The following CDC42BPA variants were observed in gnomAD, a reference collection of about 807,000 sequenced individuals.
The protein encoded by CDC42BPA is CDC42 binding protein kinase alpha, also known as serine/threonine-protein kinase MRCK alpha.
CDC42BPA carries 80 observed loss-of-function variants against 223.5 expected under a neutral mutation model. The observed-to-expected ratio is 0.36, with a 90% CI of 0.30 to 0.43. CDC42BPA has a LOEUF of 0.43. Among genes scored for constraint, CDC42BPA ranks in the 20% least tolerant of loss-of-function variants. The pLI is 1.00. For missense variants in CDC42BPA, 1,743 were observed against 2,099.9 expected, an observed-to-expected ratio of 0.83 and a Z score of 3.32; for synonymous variants, 694 against 718.6, an observed-to-expected ratio of 0.97 and a Z score of 0.55.
chr1:227,265,050 C>G, intron 1 of CDC42BPA: 1 of 781,630 alleles, frequency 1.3e-6, no homozygotes, highest in South Asian at 1.3e-5. Flanking sequence ...TTCATGGACG[C>G]AGCAGGAAAA....
At chr1:227,198,713 T>A (rs1671198902) in intron 4 of CDC42BPA, among the ~76,000 whole-genome samples, 1 of 151,904 alleles carries the variant, frequency 6.6e-6, no homozygotes, top group African/African-American at 2.4e-5. Context: ...ACCTTTAATT[T>A]TATTTTAGGT....
rs192694272 is a variant in CDC42BPA, at chr1:227,197,080, A to C, written c.450+2477T>G. Among the ~76,000 whole-genome samples, 530 of 152,318 alleles carry C rather than the reference A, an allele frequency of 3.5e-3. 1 individual carries two copies. Among genetic ancestry groups the C allele is most frequent in the African/African-American group, 0.012 (491 of 41,574 alleles). On this transcript the variant is annotated intron_variant, in intron 4 of 36. Transcript: ENST00000366766. ...TTGCTATAATTGCAAATTTTTTCATAAACTATTGTAGTAAGTAGGTTAGAA... is the reference window on the plus strand; with the variant it reads ...TTGCTATAATTGCAAATTTTTTCATCAACTATTGTAGTAAGTAGGTTAGAA...
At chr1:227,292,362 T>C (rs1689846435) in intron 1 of CDC42BPA, among the ~76,000 whole-genome samples, 1 of 152,196 alleles carries the variant, frequency 6.6e-6, no homozygotes, top group Non-Finnish European at 1.5e-5. Context: ...GAAAACCACA[T>C]TTCACTAAAT....
chr1:227,019,466 C>T (rs923565436), intron 32 of CDC42BPA, among the ~76,000 whole-genome samples: 2 of 152,136 alleles, frequency 1.3e-5, no homozygotes, highest in African/African-American at 4.8e-5. Context: ...GTATTTTGAC[C>T]TCCTCCCATG....
At chr1:227,067,138 T>C (rs952927809) in intron 21 of CDC42BPA, among the ~76,000 whole-genome samples, 7 of 152,076 alleles carry the variant, frequency 4.6e-5, no homozygotes, top group Non-Finnish European at 7.4e-5. Context: ...GTTGCATTAA[T>C]AGAGGGTAGA....
chr1:227,184,226 AT>A (rs545971991), intron 5 of CDC42BPA, among the ~76,000 whole-genome samples: 28 of 151,770 alleles, frequency 1.8e-4, no homozygotes, highest in South Asian at 1.5e-3. Context: ...ATTTTTATTG[AT>A]TTTTTTTGTC....
intron 1 of CDC42BPA, among the ~76,000 whole-genome samples, chr1:227,275,884 G>A (rs988558049): frequency 3.3e-5 from 5 of 152,206 alleles, no homozygotes; most frequent in Non-Finnish European, 5.9e-5. Context: ...GATTGCAGAC[G>A]GAGTCTCGCT....
chr1:227,316,677 CATGT>C (rs1467525321), intron 1 of CDC42BPA, among the ~76,000 whole-genome samples: 2 of 152,124 alleles, frequency 1.3e-5, no homozygotes, highest in Non-Finnish European at 2.9e-5. Context: ...ATTATAGTGC[CATGT>C]ATTAGGCAAC....
chr1:227,151,322 T>C (rs1661711083), intron 6 of CDC42BPA, among the ~76,000 whole-genome samples: 1 of 152,242 alleles, frequency 6.6e-6, no homozygotes, highest in South Asian at 2.1e-4. Context: ...TTGTAGCACG[T>C]GTCAGAATTT....
intron 34 of CDC42BPA, among the ~76,000 whole-genome samples, chr1:227,012,330 A>T (rs1394667106): frequency 1.3e-5 from 2 of 152,212 alleles, no homozygotes; most frequent in East Asian, 1.9e-4. Context: ...AAATTATTTT[A>T]AAAATTCAAG....
rs548520656 is a variant in CDC42BPA at position 227,139,802 on chromosome 1, T to C, written c.1224-60A>G. On this transcript the variant is annotated intron_variant, in intron 9 of 36. Transcript: ENST00000366766. The stretch of plus-strand genomic sequence containing the variant: ...GTGATAAAAAGCTTGAAGAAAAACG[T>C]TAACATTTTTTAAAAATTGTTTTTA... 7.4e-6 allele frequency: 8 copies of C among 1,084,152 alleles called. No individual in the cohort carries two copies. The East Asian group carries it at 2.3e-4, about 31-fold the overall frequency. The allele number at this position is 1,084,152 out of a possible 1,614,324, so 67.2% of individuals were successfully genotyped here. A position where few individuals can be genotyped will look rare whatever the true frequency, so the allele number is the denominator to read the frequency against.
At chr1:227,037,779 A>G (rs967589455) in intron 24 of CDC42BPA, among the ~76,000 whole-genome samples, 3 of 152,252 alleles carry the variant, frequency 2.0e-5, no homozygotes, top group African/African-American at 7.2e-5. Context: ...TGGAAAATGC[A>G]TATTATGGAA....
intron 5 of CDC42BPA, among the ~76,000 whole-genome samples, chr1:227,170,132 A>C (rs962777432): frequency 6.6e-6 from 1 of 152,148 alleles, no homozygotes; most frequent in African/African-American, 2.4e-5. Context: ...AGTATGATAG[A>C]ACTTAGGCTG....
chr1:227,317,214 A>T lies in CDC42BPA; in HGVS notation c.-32T>A, dbSNP rs1222567260. On this transcript the variant is annotated 5_prime_UTR_variant, in exon 1 of 37. Transcript: ENST00000366766. ...TTCGATTTCTGCTGGTTTTCCTTTA[A>T]ATTATTATGATGACTTTTACTATTA... 3.8e-6 allele frequency: 6 copies of T among 1,583,916 alleles called. No individual in the cohort carries two copies. Among genetic ancestry groups the T allele is most frequent in the Non-Finnish European group, 5.1e-6 (6 of 1,166,616 alleles).
rs759755364 is a variant in CDC42BPA, at chr1:227,081,007, A to G, written c.2366T>C (p.Leu789Ser). 5.6e-6 allele frequency: 9 copies of G among 1,613,408 alleles called. No individual in the cohort carries two copies. In the Admixed American group the frequency reaches 6.7e-5, roughly 12 times the overall value. The change falls in exon 17 of 37, where the codon TTG becomes TCG. Residue 789 changes from leucine to serine, a missense_variant. Physicochemically the swap from Leu to Ser is moderately radical, Grantham distance 145. Around this residue, in one of 6 missense-constraint regions of CDC42BPA, gnomAD observed 464 missense variants for 488.0 expected, o/e 0.95. Transcript: ENST00000366766. ...GTTGTGTATACTTAAGTTCTCATAC[A>G]AAGTAGTAAGCTGAAAGATAGTTTT... Reference protein sequence around the residue: ...LTSELDKLTTLYENLSIHNQQ... With the variant: ...LTSELDKLTTSYENLSIHNQQ...
intron 2 of CDC42BPA, among the ~76,000 whole-genome samples, chr1:227,228,349 T>A (rs1677221454): frequency 1.3e-5 from 2 of 152,310 alleles, no homozygotes; most frequent in South Asian, 2.1e-4. Flanking sequence ...GTAGCATGTA[T>A]CAGTACTTCT....
intron 32 of CDC42BPA, among the ~76,000 whole-genome samples, chr1:227,020,002 T>C (rs771650518): frequency 6.6e-5 from 10 of 152,166 alleles, no homozygotes; most frequent in Non-Finnish European, 1.2e-4. Context: ...GTTCAAGCGA[T>C]TCTCCTGCCT....
intron 1 of CDC42BPA, among the ~76,000 whole-genome samples, chr1:227,304,558 G>C (rs4276876): frequency 0.16 from 23,966 of 152,134 alleles, 2,175 homozygotes; most frequent in East Asian, 0.37. Flanking sequence ...TTAAAAATAT[G>C]AGTTTCATAC....
Position 227,029,195 on chromosome 1 carries a change from A to T in CDC42BPA, c.3894T>A (p.Asn1298Lys). ...KKIHQIELIP[N>K]DQLVAVISGR... ...CTGAGATCACAGCAACAAGCTGATC[A>T]TTTGGAATGAGTTCAATCTGATGAA... is the stretch of plus-strand genomic sequence containing the variant. The change falls in exon 30 of 37, where the codon AAT (asparagine) becomes AAA (lysine). Residue 1298 changes from asparagine (N) to lysine (K), a missense_variant. This residue lies in a region of CDC42BPA where 678 missense variants were observed against 777.5 expected (regional missense o/e 0.87). Transcript: ENST00000366766. 6.2e-7 allele frequency: 1 copy of T among 1,600,832 alleles called. No individual in the cohort carries two copies. The highest frequency in any genetic ancestry group is 8.5e-7 in the Non-Finnish European group (1 of 1,179,668).
Sources: allele counts gnomAD v4.1 joint callset (sites outside exome capture counted in the v4.1 genomes callset), GRCh38; gene constraint gnomAD v4.1.1; regional missense constraint gnomAD v4.1.1; transcripts MANE v1.5; gene names NCBI Gene and HGNC (gene_info 2026-07-23, HGNC 2026-07-21).